ADAR: variants seen among roughly 807,000 people sequenced by gnomAD.
The protein encoded by ADAR is adenosine deaminase RNA specific.
In ADAR, 41 loss-of-function variants were observed where a neutral mutation model predicts 113.2. The ratio of observed to expected loss-of-function variants is 0.36; its 90% CI spans 0.28 to 0.47. The LOEUF is 0.47. ADAR is among the 20% of genes least tolerant of loss of function. ADAR has a pLI of 1.00. For missense variants in ADAR, 1,242 were observed against 1,540.9 expected (o/e 0.81, Z 3.25); for synonymous variants, 605 against 572.6 (o/e 1.06, Z -0.81).
intron 6 of ADAR, among the ~76,000 whole-genome samples, chr1:154,596,019 T>C (rs1697468632): frequency 6.6e-6 from 1 of 152,212 alleles, no homozygotes; most frequent in African/African-American, 2.4e-5. Context: ...GTTTGTAGCC[T>C]AGGAGCAACC....
At chr1:154,608,830 G>GGGGGGGGGGGGGGGGGT, upstream of ADAR, 1 of 148,442 alleles carries the variant, frequency 6.7e-6, no homozygotes, top group African/African-American at 2.5e-5. Flanking sequence ...CAATGTGGAG[G>GGGGGGGGGGGGGGGGGT]GGGGGGGGAG....
intron 6 of ADAR, among the ~76,000 whole-genome samples, chr1:154,594,467 A>C (rs912475526): frequency 6.6e-6 from 1 of 152,226 alleles, no homozygotes; most frequent in Non-Finnish European, 1.5e-5. Flanking sequence ...AGAGATTAAG[A>C]AAACATGCCG....
At chr1:154,598,116 G>A in intron 3 of ADAR, 140 bp from the exon 4 acceptor site, 1 of 1,029,152 alleles carries the variant, frequency 9.7e-7, no homozygotes. Context: ...GGGGCTGCTG[G>A]AGCTCTCATT....
At chr1:154,616,401 C>T (rs980379165) in intron 1 of ADAR, among the ~76,000 whole-genome samples, 1 of 152,066 alleles carries the variant, frequency 6.6e-6, no homozygotes, top group Non-Finnish European at 1.5e-5. Context: ...CCTCCCTGAG[C>T]CTTCTTTTCC....
intron 1 of ADAR, among the ~76,000 whole-genome samples, chr1:154,624,089 C>A (rs970184871): frequency 3.9e-5 from 6 of 152,052 alleles, no homozygotes; most frequent in African/African-American, 1.4e-4. Context: ...AAAGGAAGGG[C>A]CAAGAAAGCC....
chr1:154,599,159 C>T (rs1571098652), intron 2 of ADAR, among the ~76,000 whole-genome samples: 1 of 152,172 alleles, frequency 6.6e-6, no homozygotes. Flanking sequence ...CTATTTTCTA[C>T]ATAACAAGGA....
rs770793371 is a variant in ADAR, at chr1:154,601,653, A to G, written c.989T>C (p.Ile330Thr). 9 of 1,613,964 alleles carry G rather than the reference A, an allele frequency of 5.6e-6. No homozygotes were observed. The highest frequency in any genetic ancestry group is 2.7e-5 in the African/African-American group (2 of 74,930). The change falls in exon 2 of 15, where the codon ATA (isoleucine) becomes ACA (threonine). Residue 330 changes from isoleucine to threonine, a missense_variant. Coordinates refer to ENST00000368474, the MANE Select transcript of ADAR (RefSeq NM_001111.5). This position sits in a 1 kb window ranked among gnomAD's most constrained non-coding sequence, Gnocchi z 4.7. Reference protein sequence around the residue: ...KNIGLTKARDINAVLIDMERQ... With the variant: ...KNIGLTKARDTNAVLIDMERQ... ...TTCCATGTCAATTAGCACAGCATTT[A>G]TATCTCGGGCCTTGGTAAGGCCAAT...
chr1:154,610,808 C>CAAAAAAAAAAAAAAAAAAAA (rs1369386387), upstream of ADAR, among the ~76,000 whole-genome samples: 12 of 40,528 alleles, frequency 3.0e-4, no homozygotes, highest in East Asian at 1.2e-3. Context: ...GACACCGTCT[C>CAAAAAAAAAAAAAAAAAAAA]AAAAAAAAAA....
rs1190001892 is a variant in ADAR at position 154,601,075 on chromosome 1, T to C, written c.1567A>G (p.Met523Val). 5.0e-6 allele frequency: 8 copies of C among 1,614,190 alleles called. No individual in the cohort carries two copies. The highest frequency in any genetic ancestry group is 3.4e-6 in the Non-Finnish European group (4 of 1,180,026). The stretch of plus-strand genomic sequence containing the variant: ...TGGGGTGGTCCACTCTGCTCTATCA[T>C]GTTGAACTCACAGGTTTGACTAGCG... ...QFASQTCEFN[M>V]IEQSGPPHEP... is the part of the protein sequence containing the mutation. Residue 523 changes from methionine to valine, a missense_variant, in exon 2 of 15, where the codon ATG (methionine) becomes GTG (valine). Transcript: ENST00000368474. The surrounding 1 kb of genome is among the most constrained non-coding windows in gnomAD (Gnocchi z 4.7).
At chr1:154,612,318 G>GT (rs55714254), upstream of ADAR, among the ~76,000 whole-genome samples, 26,810 of 69,210 alleles carry the variant, frequency 0.39, 9,738 homozygotes, top group East Asian at 0.63. Flanking sequence ...AAATTACTCA[G>GT]TTTTTTTTTT....
In ADAR at chr1:154,602,367, C is replaced by A. The variant is rs1557889229; in HGVS notation, c.275G>T (p.Gly92Val). Residue 92 changes from glycine (G) to valine (V), a missense_variant, in exon 2 of 15, where the codon GGT (glycine) becomes GTT (valine). Around this residue, in one of 2 missense-constraint regions of ADAR, gnomAD observed 462 missense variants for 483.1 expected, o/e 0.96. Coordinates refer to ENST00000368474, the MANE Select transcript of ADAR (RefSeq NM_001111.5). The stretch of plus-strand genomic sequence containing the variant: ...TCTGAGATGCACGCCCCTGGGGACA[C>A]CCCTGATGTCCACTTGCCTGCCTCT... ...STRGRQVDIR[G>V]VPRGVHLRSQ... The A allele has an allele frequency of 6.2e-7, 1 of 1,603,940 alleles. No individual in the cohort carries two copies. The highest frequency in any genetic ancestry group is 1.1e-5 in the South Asian group (1 of 89,482).
chr1:154,610,841 A>AAAAAAAAAAAAAAAAT (rs1698465694), upstream of ADAR, among the ~76,000 whole-genome samples: 1 of 145,878 alleles, frequency 6.9e-6, no homozygotes, highest in Non-Finnish European at 1.5e-5. Flanking sequence ...AAAAAAAAAA[A>AAAAAAAAAAAAAAAAT]GACAAAATTG....
chr1:154,590,153 CA>C (rs71077958), intron 7 of ADAR, 30 bp downstream of exon 7: 40 of 1,141,314 alleles, frequency 3.5e-5, no homozygotes, highest in Non-Finnish European at 3.6e-5. Flanking sequence ...CCCCCCGCCC[CA>C]AAAAAGGCAC....
chr1:154,597,722 C>A (rs1277263102), intron 4 of ADAR, 106 bp downstream of exon 4: 5 of 1,467,612 alleles, frequency 3.4e-6, no homozygotes, highest in Non-Finnish European at 3.8e-6. Flanking sequence ...CATTTTGAAA[C>A]AGGAGAAATT....
intron 13 of ADAR, 127 bp from the exon 14 acceptor site, chr1:154,585,471 C>T: frequency 1.4e-6 from 2 of 1,423,232 alleles, no homozygotes. Context: ...ATTTAGGGTT[C>T]TGTTTGGCTA....
At chr1:154,587,533 A>G (rs1293585553) in intron 11 of ADAR, among the ~76,000 whole-genome samples, 1 of 152,160 alleles carries the variant, frequency 6.6e-6, no homozygotes, top group Non-Finnish European at 1.5e-5. Flanking sequence ...CACCGGCTCC[A>G]TGGTAACTGT....
chr1:154,597,721 A>G (rs1315909163), intron 4 of ADAR, 107 bp downstream of exon 4: 2 of 1,467,886 alleles, frequency 1.4e-6, no homozygotes, highest in Non-Finnish European at 1.9e-6. Context: ...CCATTTTGAA[A>G]CAGGAGAAAT....
chr1:154,606,944 A>AT (rs57175028), intron 1 of ADAR, among the ~76,000 whole-genome samples: 26,020 of 84,734 alleles, frequency 0.31, 2,493 homozygotes, highest in South Asian at 0.45. Flanking sequence ...TTAAAAAAAA[A>AT]AAAATATATA....
intron 1 of ADAR, among the ~76,000 whole-genome samples, chr1:154,617,065 G>A (rs1698651883): frequency 6.6e-6 from 1 of 152,170 alleles, no homozygotes; most frequent in Non-Finnish European, 1.5e-5. Flanking sequence ...ACAATGACTG[G>A]GGCACTATTA....
Sources: gnomAD v4.1 joint callset for allele counts (sites outside exome capture counted in the v4.1 genomes callset) on GRCh38, gnomAD v4.1.1 for gene constraint, gnomAD v4.1.1 regional missense constraint, Gnocchi (gnomAD v3.1) non-coding constraint, MANE v1.5 for transcripts, NCBI Gene and HGNC (gene_info 2026-07-23, HGNC 2026-07-21) for gene names.